Variants in BBS4 observed in about 807,000 individuals in gnomAD.
The protein encoded by BBS4 is Bardet-Biedl syndrome 4.
A neutral mutation model predicts 71.4 loss-of-function variants in BBS4; 58 were observed. That is an observed-to-expected ratio of 0.81 (90% CI 0.66 to 1.01). The LOEUF (loss-of-function observed/expected upper bound fraction) is 1.01. Ranked by LOEUF, BBS4 falls within the 50% of genes least tolerant of loss-of-function variation. The probability of loss-of-function intolerance (pLI) is 0.00; values close to 1 mark genes in which losing one functional copy is unlikely to be tolerated. For missense variants in BBS4, 660 were observed against 607.9 expected (o/e 1.09, Z -0.90); for synonymous variants, 228 against 216.8 (o/e 1.05, Z -0.46).
intron 1 of BBS4, among the ~76,000 whole-genome samples, chr15:72,690,145 T>G (rs1239936269): frequency 6.6e-6 from 1 of 152,154 alleles, no homozygotes; most frequent in Non-Finnish European, 1.5e-5. Flanking sequence ...TCCCATTATT[T>G]GATGTATTTG....
chr15:72,693,183 T>G (rs1334909021), intron 1 of BBS4, among the ~76,000 whole-genome samples: 2 of 152,274 alleles, frequency 1.3e-5, no homozygotes, highest in Non-Finnish European at 2.9e-5. Context: ...TAGTTCTTAA[T>G]GTATTTTAAT....
At position 72,716,769 on chromosome 15, in the gene BBS4, C is replaced by A. The variant is rs1198566853; in HGVS notation, c.333-9C>A. On this transcript the variant is annotated splice_polypyrimidine_tract_variant and intron_variant, in intron 5 of 15. Transcript: ENST00000268057. ...GAGGTAATAATTATGGAAAATATAT[C>A]TTTTACAGATTTCTTTTGGGAAAAC... is the stretch of plus-strand genomic sequence containing the variant. The A allele has an allele frequency of 6.3e-7, 1 of 1,591,542 alleles. No homozygotes were observed. Among genetic ancestry groups the A allele is most frequent in the South Asian group, 1.1e-5 (1 of 89,768 alleles).
chr15:72,694,076 G>T (rs2065032736), intron 1 of BBS4, among the ~76,000 whole-genome samples: 1 of 151,650 alleles, frequency 6.6e-6, no homozygotes, highest in South Asian at 2.1e-4. Flanking sequence ...GTAGAGATGG[G>T]GCTTCACCAT....
intron 12 of BBS4, among the ~76,000 whole-genome samples, chr15:72,733,712 T>G (rs1261582110): frequency 6.6e-6 from 1 of 152,212 alleles, no homozygotes; most frequent in Admixed American, 6.5e-5. Flanking sequence ...TTTGCTATTG[T>G]GAATAGTGCT....
intron 2 of BBS4, among the ~76,000 whole-genome samples, chr15:72,704,260 A>G (rs2065224563): frequency 6.6e-6 from 1 of 152,172 alleles, no homozygotes; most frequent in South Asian, 2.1e-4. Context: ...CTGTGGTAAC[A>G]TAGGCTCCTG....
At chr15:72,701,207 A>G (rs900509321) in intron 2 of BBS4, among the ~76,000 whole-genome samples, 1 of 152,176 alleles carries the variant, frequency 6.6e-6, no homozygotes, top group Non-Finnish European at 1.5e-5. Flanking sequence ...TTTAATGTAA[A>G]TGGAATCATG....
chr15:72,692,601 C>T (rs750593668), intron 1 of BBS4, among the ~76,000 whole-genome samples: 9 of 150,838 alleles, frequency 6.0e-5, no homozygotes, highest in Non-Finnish European at 1.2e-4. Context: ...GTGTGAGCCA[C>T]CACACCTGGC....
At chr15:72,702,535 G>A (rs2065188507) in intron 2 of BBS4, among the ~76,000 whole-genome samples, 1 of 149,538 alleles carries the variant, frequency 6.7e-6, no homozygotes, top group African/African-American at 2.4e-5. Flanking sequence ...ACCATAATTA[G>A]CTAATCTTTT....
At chr15:72,703,099 T>C (rs12908961) in intron 2 of BBS4, among the ~76,000 whole-genome samples, 144,198 of 151,996 alleles carry the variant, frequency 0.95, 68,890 homozygotes, top group East Asian at 1. Context: ...GCGTGAGCCA[T>C]CGCGCCCGGC....
At chr15:72,693,959 A>G (rs2065030229) in intron 1 of BBS4, among the ~76,000 whole-genome samples, 1 of 151,472 alleles carries the variant, frequency 6.6e-6, no homozygotes, top group South Asian at 2.1e-4. Flanking sequence ...ATCTTGGCCC[A>G]CTGCAACCTC....
intron 3 of BBS4, among the ~76,000 whole-genome samples, chr15:72,710,012 C>T (rs2065337156): frequency 6.6e-6 from 1 of 152,086 alleles, no homozygotes; most frequent in African/African-American, 2.4e-5. Flanking sequence ...GCTTTCAGAT[C>T]AGCTGTGGGT....
At chr15:72,728,056 A>G (rs2065736888) in intron 9 of BBS4, 62 bp downstream of exon 9, 4 of 1,250,682 alleles carry the variant, frequency 3.2e-6, no homozygotes, top group Non-Finnish European at 3.5e-6. Flanking sequence ...GTTTGTGTGT[A>G]TGGTGGTTTT....
At chr15:72,688,120 C>T (rs1161529563) in intron 1 of BBS4, among the ~76,000 whole-genome samples, 1 of 142,294 alleles carries the variant, frequency 7.0e-6, no homozygotes, top group Non-Finnish European at 1.5e-5. Flanking sequence ...GGTAACATAA[C>T]ATTGCTACAA....
At chr15:72,696,161 A>G (rs1017596864) in intron 2 of BBS4, among the ~76,000 whole-genome samples, 2 of 152,134 alleles carry the variant, frequency 1.3e-5, no homozygotes, top group African/African-American at 2.4e-5. Context: ...TATTTTGAAG[A>G]TCTGTTGTTG....
At chr15:72,702,812 T>TTTTTTTTTTTTTTTTTTTG (rs2065194948) in intron 2 of BBS4, among the ~76,000 whole-genome samples, 1 of 121,912 alleles carries the variant, frequency 8.2e-6, no homozygotes, top group Admixed American at 9.6e-5. Flanking sequence ...CTTTTTTTTT[T>TTTTTTTTTTTTTTTTTTTG]TTTTTTTTTT....
intron 8 of BBS4, among the ~76,000 whole-genome samples, chr15:72,725,220 C>T (rs2065649311): frequency 6.6e-6 from 1 of 151,794 alleles, no homozygotes; most frequent in African/African-American, 2.4e-5. Context: ...GCCACCATGC[C>T]CAGCTAATTT....
Position 72,704,442 on chromosome 15 carries a change from A to G in BBS4, c.77-5258A>G, listed in dbSNP as rs1451135963. The G allele has an allele frequency of 1.0e-5, 13 of 1,287,814 alleles. No homozygotes were observed. In the East Asian group the frequency reaches 4.4e-4, roughly 44 times the overall value. The allele number at this position is 1,287,814 out of a possible 1,614,324, so 79.8% of individuals were successfully genotyped here. A position where few individuals can be genotyped will look rare whatever the true frequency, so the allele number is the denominator to read the frequency against. On this transcript the variant is annotated intron_variant, in intron 2 of 15. Coordinates refer to ENST00000268057, the MANE Select transcript of BBS4 (RefSeq NM_033028.5). Reference sequence around the variant, plus strand: ...TTTTTAGGGGGAGTTGGAGTGAGCAATGATTTGGAATACCAGAAATTCAAC... The same window carrying G: ...TTTTTAGGGGGAGTTGGAGTGAGCAGTGATTTGGAATACCAGAAATTCAAC...
chr15:72,687,822 T>C (rs1201401283), intron 1 of BBS4, among the ~76,000 whole-genome samples: 2 of 141,560 alleles, frequency 1.4e-5, no homozygotes, highest in African/African-American at 5.3e-5. Context: ...TCCCAGCTAC[T>C]AGGGAGGCTG....
intron 5 of BBS4, among the ~76,000 whole-genome samples, chr15:72,715,979 CCTAA>C (rs1289965773): frequency 2.0e-5 from 3 of 152,166 alleles, no homozygotes; most frequent in Non-Finnish European, 2.9e-5. Flanking sequence ...GATGGTTTTG[CCTAA>C]CTGTCAGCAA....
Sources: gnomAD v4.1 joint callset for allele counts (sites outside exome capture counted in the v4.1 genomes callset) on GRCh38, gnomAD v4.1.1 for gene constraint, MANE v1.5 for transcripts, NCBI Gene and HGNC (gene_info 2026-07-23, HGNC 2026-07-21) for gene names.